Variants in LHPP observed in about 807,000 individuals in gnomAD.
The protein encoded by LHPP is hLHPP.
In LHPP, 24 loss-of-function variants were observed where a neutral mutation model predicts 30.3. That is an observed-to-expected ratio of 0.79 (90% confidence interval 0.57 to 1.11). The LOEUF (loss-of-function observed/expected upper bound fraction) is 1.11, where lower values mean the gene tolerates loss of function less well. Among genes scored for constraint, LHPP ranks in the 50% most tolerant of loss-of-function variants. The pLI, the probability that LHPP is intolerant of heterozygous loss-of-function variation, is 0.00. For synonymous variants in LHPP, 150 were observed against 157.1 expected (o/e 0.95, Z 0.34); for missense variants, 356 against 367.2 (o/e 0.97, Z 0.25).
intron 5 of LHPP, among the ~76,000 whole-genome samples, chr10:124,512,111 G>A (rs563355152): frequency 2.6e-5 from 4 of 152,164 alleles, no homozygotes; most frequent in Non-Finnish European, 4.4e-5. Flanking sequence ...TCTGTCTTTA[G>A]CACTTGTCGT....
chr10:124,606,780 G>A (rs990755642), intron 6 of LHPP, among the ~76,000 whole-genome samples: 1 of 152,210 alleles, frequency 6.6e-6, no homozygotes, highest in African/African-American at 2.4e-5. Context: ...CGTCAGCCAG[G>A]CCCGTAGCCA....
intron 6 of LHPP, among the ~76,000 whole-genome samples, chr10:124,529,192 G>A (rs892499290): frequency 4.0e-5 from 6 of 151,702 alleles, no homozygotes; most frequent in Non-Finnish European, 8.8e-5. Context: ...CCACTACCAT[G>A]CCCAGCTAAT....
chr10:124,606,642 G>C (rs188759242), intron 6 of LHPP, among the ~76,000 whole-genome samples: 1 of 152,254 alleles, frequency 6.6e-6, no homozygotes, highest in Admixed American at 6.5e-5. Flanking sequence ...ACTGAGGCTC[G>C]GGCAGGTGAA....
Position 124,596,501 on chromosome 10 carries a change from A to C in LHPP, c.717-16763A>C, listed in dbSNP as rs1045406300. On this transcript the variant is annotated intron_variant, in intron 6 of 6. Transcript: ENST00000368842. This position sits in a 1 kb window ranked among gnomAD's most constrained non-coding sequence, Gnocchi z 4.6. ...TGAGGGGCCTGCATGAATCCCTTTT[A>C]GGTGGAACACACACAGAGTGGGCCG... 6.6e-6 allele frequency among the ~76,000 whole-genome samples: 1 copy of C among 152,112 alleles called. No homozygotes were observed. Among genetic ancestry groups the C allele is most frequent in the East Asian group, 1.9e-4 (1 of 5,182 alleles).
chr10:124,542,224 G>A (rs375270992), intron 6 of LHPP, among the ~76,000 whole-genome samples: 17 of 152,204 alleles, frequency 1.1e-4, no homozygotes, highest in African/African-American at 2.9e-4. Flanking sequence ...TGGTGGGCAC[G>A]GGGCTTGCAC....
rs1948902451 is a variant in LHPP at position 124,593,204 on chromosome 10, GAA to G, written c.717-20059_717-20058del. On this transcript the variant is annotated intron_variant, in intron 6 of 6. Transcript: ENST00000368842. The surrounding 1 kb of genome is among the most constrained non-coding windows in gnomAD (Gnocchi z 4.9). ...GGTCCCTGGATTGCAAGTCCAGACA[GAA>G]GAGAGCGTCCTGGGAAGCCAGCTGA... 7.7e-6 allele frequency among the ~76,000 whole-genome samples: 1 copy of G among 129,148 alleles called. No individual in the cohort carries two copies. Among genetic ancestry groups the G allele is most frequent in the African/African-American group, 2.8e-5 (1 of 35,130 alleles). The allele number at this position is 129,148 out of a possible 152,430, so 84.7% of individuals were successfully genotyped here.
chr10:124,466,220 CAT>C (rs1287183059), intron 1 of LHPP, among the ~76,000 whole-genome samples: 24 of 152,282 alleles, frequency 1.6e-4, no homozygotes, highest in African/African-American at 5.3e-4. Context: ...TGTCTATAGA[CAT>C]ATTACTAGTG....
At position 124,496,857 on chromosome 10, in the gene LHPP, T is replaced by C; in HGVS notation, c.468-104T>C. On this transcript the variant is annotated intron_variant, in intron 3 of 6. Coordinates refer to ENST00000368842, the MANE Select transcript of LHPP (RefSeq NM_022126.4). This position sits in a 1 kb window ranked among gnomAD's most constrained non-coding sequence, Gnocchi z 4.3. ...GACTGCCCCTCAGCCGCGGCTTGGC[T>C]CTGCAGCCAGCGGGACAGGCCCGGT... The C allele has an allele frequency of 9.8e-7, 1 of 1,023,132 alleles. No individual in the cohort carries two copies. Among genetic ancestry groups the C allele is most frequent in the African/African-American group, 1.6e-5 (1 of 61,836 alleles). The allele number at this position is 1,023,132 out of a possible 1,614,324, so 63.4% of individuals were successfully genotyped here.
rs17152086 is a variant in LHPP at position 124,590,764 on chromosome 10, G to A, written c.717-22500G>A. On this transcript the variant is annotated intron_variant, in intron 6 of 6. Transcript: ENST00000368842. This position sits in a 1 kb window ranked among gnomAD's most constrained non-coding sequence, Gnocchi z 4.3. ...CTCTGCCACCGAGGGAAGCCATGTC[G>A]CCTTCCTGAGCCTGCTTCTCTGTCC... Among the ~76,000 whole-genome samples the A allele has an allele frequency of 0.011, 1,625 of 152,322 alleles. 31 individuals are homozygous for A. Among genetic ancestry groups the A allele is most frequent in the African/African-American group, 0.036 (1,510 of 41,578 alleles).
chr10:124,584,949 C>A (rs1589694466), intron 6 of LHPP, among the ~76,000 whole-genome samples: 1 of 152,146 alleles, frequency 6.6e-6, no homozygotes, highest in East Asian at 1.9e-4. Flanking sequence ...GTTTCATGCA[C>A]AAAATTATTT....
intron 3 of LHPP, among the ~76,000 whole-genome samples, chr10:124,488,835 G>A (rs1245063812): frequency 6.6e-6 from 1 of 152,176 alleles, no homozygotes; most frequent in African/African-American, 2.4e-5. Flanking sequence ...AGAAGAGGGC[G>A]TCATTGCAGA....
At chr10:124,492,986 G>C (rs981035090) in intron 3 of LHPP, among the ~76,000 whole-genome samples, 4 of 152,070 alleles carry the variant, frequency 2.6e-5, no homozygotes, top group Non-Finnish European at 5.9e-5. Context: ...TCAGAGGTTC[G>C]AGACCAGCCT....
At chr10:124,509,272 T>C (rs528814820) in intron 5 of LHPP, among the ~76,000 whole-genome samples, 2 of 152,372 alleles carry the variant, frequency 1.3e-5, no homozygotes, top group South Asian at 4.1e-4. Flanking sequence ...TTTTCACAGC[T>C]GCATACTATT....
At chr10:124,466,204 G>C (rs1043941121) in intron 1 of LHPP, among the ~76,000 whole-genome samples, 2 of 152,208 alleles carry the variant, frequency 1.3e-5, no homozygotes, top group Non-Finnish European at 2.9e-5. Flanking sequence ...GAAGGAATGA[G>C]TACCTTGTCT....
chr10:124,576,504 G>C lies in LHPP; in HGVS notation c.717-36760G>C, dbSNP rs1432604670. ...TTGCTCCCACTCCCTACCATATGCT[G>C]TTCCCAGACCCCCCTCCATGGCCTG... On this transcript the variant is annotated intron_variant, in intron 6 of 6. Coordinates refer to ENST00000368842, the MANE Select transcript of LHPP (RefSeq NM_022126.4). This position sits in a 1 kb window ranked among gnomAD's most constrained non-coding sequence, Gnocchi z 4.2. 6.9e-6 allele frequency among the ~76,000 whole-genome samples: 1 copy of C among 145,216 alleles called. No homozygotes were observed. Among genetic ancestry groups the C allele is most frequent in the African/African-American group, 2.6e-5 (1 of 38,374 alleles).
rs1954668067 is a variant in LHPP, at chr10:124,523,867, T to C, written c.716+6596T>C. Among the ~76,000 whole-genome samples the C allele has an allele frequency of 6.6e-6, 1 of 152,164 alleles. No homozygotes were observed. The highest frequency in any genetic ancestry group is 2.1e-4 in the South Asian group (1 of 4,822). On this transcript the variant is annotated intron_variant, in intron 6 of 6. Coordinates refer to ENST00000368842, the MANE Select transcript of LHPP (RefSeq NM_022126.4). The surrounding 1 kb of genome is among the most constrained non-coding windows in gnomAD (Gnocchi z 4.2). ...GGAACAGGCCTGTGGAAAAATCCAC[T>C]GTGCAATGAGTCCGTGAATCCCAGA...
chr10:124,470,648 T>TAGCAAC (rs111403232), intron 1 of LHPP, among the ~76,000 whole-genome samples: 3 of 144,912 alleles, frequency 2.1e-5, no homozygotes, highest in Non-Finnish European at 4.5e-5. Flanking sequence ...GCAGCAATAG[T>TAGCAAC]AACAACAACA....
intron 6 of LHPP, among the ~76,000 whole-genome samples, chr10:124,521,995 C>T (rs1954623156): frequency 6.6e-6 from 1 of 152,164 alleles, no homozygotes; most frequent in Non-Finnish European, 1.5e-5. Flanking sequence ...TAGATGTATC[C>T]ATTTCTCTTG....
intron 6 of LHPP, among the ~76,000 whole-genome samples, chr10:124,600,662 G>A (rs1949009283): frequency 6.6e-6 from 1 of 152,190 alleles, no homozygotes; most frequent in African/African-American, 2.4e-5. Context: ...GGACCAGGAG[G>A]GTGAGCTCAG....
Sources: allele counts gnomAD v4.1 joint callset (sites outside exome capture counted in the v4.1 genomes callset), GRCh38; gene constraint gnomAD v4.1.1; non-coding constraint Gnocchi (gnomAD v3.1); transcripts MANE v1.5; gene names NCBI Gene and HGNC (gene_info 2026-07-23, HGNC 2026-07-21).